The following ZNF362 variants were observed in gnomAD, a reference collection of about 807,000 sequenced individuals.
ZNF362 encodes rotund homolog.
Under a neutral mutation model 42.9 loss-of-function variants are expected in ZNF362, and 11 were observed. The observed-to-expected ratio is 0.26, with a 90% confidence interval of 0.16 to 0.42. The LOEUF is 0.42. Among genes scored for constraint, ZNF362 ranks in the 20% least tolerant of loss-of-function variants. The pLI is 1.00. For missense variants in ZNF362, 362 were observed against 576.2 expected, an observed-to-expected ratio of 0.63 and a Z score of 3.81; for synonymous variants, 255 against 257.3, an observed-to-expected ratio of 0.99 and a Z score of 0.09.
At position 33,299,210 on chromosome 1, in the gene ZNF362, C is replaced by T. The variant is rs1268083823; in HGVS notation, c.*164C>T. The T allele has an allele frequency of 2.3e-5, 14 of 603,390 alleles. No individual in the cohort carries two copies. Among genetic ancestry groups the T allele is most frequent in the African/African-American group, 9.3e-5 (5 of 53,932 alleles). 37.4% of individuals were successfully genotyped at this position (603,390 alleles called of 1,614,324 possible). The stretch of plus-strand genomic sequence containing the variant: ...CGCAGAAGCCCTGCCTGGTCCAGTC[C>T]GGGGGCGGCCAGGCCAACTGCAAGA... On this transcript the variant is annotated 3_prime_UTR_variant, in exon 9 of 9. Transcript: ENST00000539719.
intron 1 of ZNF362, among the ~76,000 whole-genome samples, chr1:33,264,444 A>G (rs1020856488): frequency 1.3e-5 from 2 of 152,316 alleles, no homozygotes; most frequent in East Asian, 3.9e-4. Flanking sequence ...TGTGTCAGGC[A>G]GTGTTCGAAA....
chr1:33,250,192 G>A, the ZNF362 span, among the ~76,000 whole-genome samples: 4 of 152,182 alleles, frequency 2.6e-5, no homozygotes, highest in African/African-American at 9.7e-5. Flanking sequence ...GCCCCAAGAT[G>A]TAGCCAACCA....
At chr1:33,220,521 C>T in the ZNF362 span, among the ~76,000 whole-genome samples, 1 of 152,068 alleles carries the variant, frequency 6.6e-6, no homozygotes, top group East Asian at 1.9e-4. Flanking sequence ...TCAAACCCAC[C>T]CCCCTACAGT....
chr1:33,215,741 G>A, the ZNF362 span, among the ~76,000 whole-genome samples: 1 of 152,134 alleles, frequency 6.6e-6, no homozygotes. Flanking sequence ...CACATTCAGA[G>A]TGATATTTTC....
chr1:33,293,792 A>C (rs1646097185), intron 6 of ZNF362, among the ~76,000 whole-genome samples: 1 of 152,212 alleles, frequency 6.6e-6, no homozygotes, highest in African/African-American at 2.4e-5. Context: ...AGTGCATGCC[A>C]GGCTGCTGAG....
the ZNF362 span, chr1:33,165,502 T>G: frequency 6.2e-7 from 1 of 1,609,454 alleles, no homozygotes; most frequent in Non-Finnish European, 8.5e-7. The surrounding 1 kb of genome is among the most constrained non-coding windows in gnomAD (Gnocchi z 4.0). Flanking sequence ...CTTGAGCAGC[T>G]GCAGCGCTTC....
chr1:33,133,630 G>A, the ZNF362 span, among the ~76,000 whole-genome samples: 5 of 152,180 alleles, frequency 3.3e-5, no homozygotes, highest in African/African-American at 1.2e-4. Flanking sequence ...GGGGCATCAG[G>A]GCACTGCAGC....
At chr1:33,271,420 C>G (rs973987042) in intron 2 of ZNF362, among the ~76,000 whole-genome samples, 2 of 152,228 alleles carry the variant, frequency 1.3e-5, no homozygotes, top group Non-Finnish European at 2.9e-5. Context: ...CCTCCCTGAT[C>G]CTCTCCAGGC....
the ZNF362 span, among the ~76,000 whole-genome samples, chr1:33,237,812 C>T: frequency 6.6e-6 from 1 of 152,118 alleles, no homozygotes; most frequent in Non-Finnish European, 1.5e-5. Flanking sequence ...TTCTTTACTC[C>T]GTCAGCTGCT....
At chr1:33,161,330 G>A in the ZNF362 span, among the ~76,000 whole-genome samples, 1 of 152,220 alleles carries the variant, frequency 6.6e-6, no homozygotes, top group African/African-American at 2.4e-5. This position sits in a 1 kb window ranked among gnomAD's most constrained non-coding sequence, Gnocchi z 4.3. Flanking sequence ...ACGTCAGGAC[G>A]ACACGGGCTA....
chr1:33,233,242 G>A, the ZNF362 span, among the ~76,000 whole-genome samples: 3 of 152,184 alleles, frequency 2.0e-5, no homozygotes, highest in Non-Finnish European at 4.4e-5. Flanking sequence ...GCCTAAGATA[G>A]TCTATTTACT....
the ZNF362 span, among the ~76,000 whole-genome samples, chr1:33,233,728 C>G: frequency 6.6e-6 from 1 of 152,048 alleles, no homozygotes; most frequent in Non-Finnish European, 1.5e-5. Context: ...CTTATAGTTA[C>G]CTGGAGTCAT....
At chr1:33,220,776 G>T in the ZNF362 span, among the ~76,000 whole-genome samples, 2 of 152,194 alleles carry the variant, frequency 1.3e-5, no homozygotes, top group Admixed American at 1.3e-4. Context: ...GGAACCCAGA[G>T]TCTTTGGAGC....
At chr1:33,287,089 G>T (rs1441336569) in intron 6 of ZNF362, among the ~76,000 whole-genome samples, 1 of 152,228 alleles carries the variant, frequency 6.6e-6, no homozygotes, top group Non-Finnish European at 1.5e-5. Flanking sequence ...TGTTGAACAA[G>T]TCCAGGCTTC....
the ZNF362 span, among the ~76,000 whole-genome samples, chr1:33,251,048 T>A: frequency 6.6e-6 from 1 of 152,134 alleles, no homozygotes; most frequent in Non-Finnish European, 1.5e-5. Context: ...AAAGAAGTAT[T>A]TCCAAAAGAG....
the ZNF362 span, among the ~76,000 whole-genome samples, chr1:33,210,037 C>A: frequency 6.6e-6 from 1 of 152,150 alleles, no homozygotes; most frequent in Non-Finnish European, 1.5e-5. Context: ...AATTTTAGAT[C>A]TTTCCTGCTT....
chr1:33,136,327 T>TTTCCTTCC, the ZNF362 span, among the ~76,000 whole-genome samples: 1 of 149,406 alleles, frequency 6.7e-6, no homozygotes, highest in Non-Finnish European at 1.5e-5. Context: ...TTTTTCTTTC[T>TTTCCTTCC]TTCCTTCCTT....
At chr1:33,171,309 T>G in the ZNF362 span, among the ~76,000 whole-genome samples, 34 of 152,182 alleles carry the variant, frequency 2.2e-4, no homozygotes, top group East Asian at 5.0e-3. Context: ...GTGGTTTGGG[T>G]TTGAATTTCA....
intron 2 of ZNF362, 22 bp from the exon 3 acceptor site, chr1:33,276,078 G>A (rs905050789): frequency 4.3e-6 from 7 of 1,613,708 alleles, no homozygotes; most frequent in South Asian, 1.1e-5. Context: ...TCTTCCCGGT[G>A]ACAGTCGCTC....
Sources: gnomAD v4.1 joint callset for allele counts (sites outside exome capture counted in the v4.1 genomes callset) on GRCh38, gnomAD v4.1.1 for gene constraint, Gnocchi (gnomAD v3.1) non-coding constraint, MANE v1.5 for transcripts, NCBI Gene and HGNC (gene_info 2026-07-23, HGNC 2026-07-21) for gene names.